BPTF: variants seen among roughly 807,000 people sequenced by gnomAD.
BPTF encodes the protein nucleosome-remodeling factor subunit BPTF.
BPTF carries 18 observed loss-of-function variants against 292.5 expected under a neutral mutation model. That is an observed-to-expected ratio of 0.06 (90% CI 0.04 to 0.09). BPTF has a LOEUF of 0.09. Ranked by LOEUF, BPTF falls within the 10% of genes least tolerant of loss-of-function variation. BPTF has a pLI of 1.00. For synonymous variants in BPTF, 1,225 were observed against 1,251.9 expected (o/e 0.98, Z 0.45); for missense variants, 2,726 against 3,498.7 (o/e 0.78, Z 5.57).
chr17:67,940,282 G>A (rs1555671235), intron 18 of BPTF, among the ~76,000 whole-genome samples, 157 bp from the exon 19 acceptor site: 2 of 152,178 alleles, frequency 1.3e-5, no homozygotes, highest in Non-Finnish European at 2.9e-5. Flanking sequence ...AGGACCTTTG[G>A]ATGTGGGTAT....
At chr17:67,968,429 A>ATT (rs1489786025) in intron 26 of BPTF, among the ~76,000 whole-genome samples, 3 of 151,778 alleles carry the variant, frequency 2.0e-5, no homozygotes, top group Non-Finnish European at 4.4e-5. Context: ...GTTTACTAAA[A>ATT]TAATAAGTTA....
intron 11 of BPTF, among the ~76,000 whole-genome samples, 189 bp downstream of exon 11, chr17:67,913,376 A>G (rs1305176611): frequency 6.6e-6 from 1 of 152,098 alleles, no homozygotes; most frequent in Non-Finnish European, 1.5e-5. Flanking sequence ...AAGTTTTTGT[A>G]GGGAAAAATG....
At chr17:67,875,550 C>A in intron 4 of BPTF, 1 of 1,493,292 alleles carries the variant, frequency 6.7e-7, no homozygotes, top group Non-Finnish European at 9.0e-7. Context: ...GTGCATTTTG[C>A]TGTAGAGCCA....
chr17:67,879,944 C>G (rs2060288948), intron 4 of BPTF, among the ~76,000 whole-genome samples: 1 of 152,164 alleles, frequency 6.6e-6, no homozygotes, highest in African/African-American at 2.4e-5. Context: ...GATCAAATTT[C>G]AACATGAGAT....
intron 24 of BPTF, chr17:67,963,565 G>A (rs1377701850): frequency 1.5e-6 from 2 of 1,298,604 alleles, no homozygotes; most frequent in African/African-American, 1.5e-5. Context: ...GCTCTGACTG[G>A]TTACTTATTT....
chr17:67,949,649 A>G (rs949208657), intron 23 of BPTF, among the ~76,000 whole-genome samples: 1 of 115,638 alleles, frequency 8.6e-6, no homozygotes, highest in Non-Finnish European at 1.8e-5. Context: ...ACATATATAT[A>G]TATACACACA....
intron 7 of BPTF, among the ~76,000 whole-genome samples, chr17:67,899,630 G>A (rs930806139): frequency 1.1e-4 from 16 of 150,044 alleles, no homozygotes; most frequent in Admixed American, 2.7e-4. Flanking sequence ...TCCCGGGTTC[G>A]AGTGATTCTC....
intron 4 of BPTF, among the ~76,000 whole-genome samples, chr17:67,881,867 T>G (rs1160780602): frequency 3.0e-5 from 4 of 134,718 alleles, no homozygotes; most frequent in Admixed American, 7.3e-5. Flanking sequence ...TGTTTTTTTT[T>G]TTTTTTTTTT....
chr17:67,912,654 G>A lies in BPTF; in HGVS notation c.4770G>A (p.Thr1590=), dbSNP rs775839576. 8.7e-6 allele frequency: 14 copies of A among 1,614,046 alleles called. No homozygotes were observed. The highest frequency in any genetic ancestry group is 1.3e-5 in the African/African-American group (1 of 75,050). Residue 1590 remains threonine (T), a synonymous_variant, in exon 11 of 28, where the codon ACG becomes ACA. Transcript: ENST00000306378. ...KRKTVITEVT[T]MTSTVATESK... ...AAACCGTCATCACAGAAGTCACCAC[G>A]ATGACCTCCACAGTGGCCACAGAAT...
intron 3 of BPTF, 105 bp downstream of exon 3, chr17:67,866,792 C>T (rs1174102937): frequency 3.8e-6 from 3 of 794,832 alleles, no homozygotes; most frequent in Admixed American, 2.7e-5. Flanking sequence ...CAAGTACAGT[C>T]GTGCATTGCT....
intron 2 of BPTF, among the ~76,000 whole-genome samples, chr17:67,857,195 G>T (rs1364618409): frequency 8.2e-6 from 1 of 121,658 alleles, no homozygotes; most frequent in African/African-American, 2.9e-5. Flanking sequence ...TTGCTCTGTC[G>T]CCCAGGCTGG....
At chr17:67,898,231 G>T (rs938466208) in intron 7 of BPTF, among the ~76,000 whole-genome samples, 6 of 152,140 alleles carry the variant, frequency 3.9e-5, no homozygotes, top group African/African-American at 2.4e-5. Flanking sequence ...GCATGGTGTT[G>T]CATGCCTTTA....
intron 9 of BPTF, 94 bp from the exon 10 acceptor site, chr17:67,909,488 C>T (rs368230910): frequency 1.7e-5 from 13 of 747,896 alleles, no homozygotes; most frequent in Admixed American, 7.7e-5. Context: ...ACATAACTTG[C>T]TGGAAATTAC....
chr17:67,851,284 T>A (rs1014075597), intron 1 of BPTF, among the ~76,000 whole-genome samples: 1 of 151,862 alleles, frequency 6.6e-6, no homozygotes, highest in Non-Finnish European at 1.5e-5. Context: ...TTTTTTTTTT[T>A]TTTTTTAATA....
At chr17:67,893,926 C>T (rs1430067654) in intron 6 of BPTF, 108 bp from the exon 7 acceptor site, 11 of 1,382,892 alleles carry the variant, frequency 8.0e-6, no homozygotes, top group Non-Finnish European at 1.0e-5. Flanking sequence ...TTTTAGGAGT[C>T]ATCGTCTTTA....
chr17:67,883,865 C>T (rs1228266705), intron 4 of BPTF, among the ~76,000 whole-genome samples: 1 of 152,148 alleles, frequency 6.6e-6, no homozygotes, highest in Non-Finnish European at 1.5e-5. Flanking sequence ...TCCCAAAGTA[C>T]TGCGATTACA....
intron 1 of BPTF, among the ~76,000 whole-genome samples, chr17:67,838,169 T>C (rs2057279007): frequency 6.6e-6 from 1 of 152,202 alleles, no homozygotes. Flanking sequence ...CCATAGACAA[T>C]AAGTAAACAA....
intron 16 of BPTF, 96 bp downstream of exon 16, chr17:67,928,697 G>T (rs2064119047): frequency 7.1e-7 from 1 of 1,416,730 alleles, no homozygotes; most frequent in Non-Finnish European, 9.4e-7. Context: ...TTAGAAGATT[G>T]TTTTTCTTTT....
intron 10 of BPTF, among the ~76,000 whole-genome samples, chr17:67,910,188 A>G (rs2062557477): frequency 6.6e-6 from 1 of 152,160 alleles, no homozygotes; most frequent in Non-Finnish European, 1.5e-5. Flanking sequence ...ATGTTGTAGC[A>G]TTTATCAGTA....
Sources: allele counts gnomAD v4.1 joint callset (sites outside exome capture counted in the v4.1 genomes callset), GRCh38; gene constraint gnomAD v4.1.1; transcripts MANE v1.5; gene names NCBI Gene and HGNC (gene_info 2026-07-23, HGNC 2026-07-21).